The following PDE4D variants were observed in gnomAD, a reference collection of about 807,000 sequenced individuals.
PDE4D encodes 3',5'-cyclic-AMP phosphodiesterase 4D.
Under a neutral mutation model 87.4 loss-of-function variants are expected in PDE4D, and 24 were observed. That is an observed-to-expected ratio of 0.27 (90% CI 0.20 to 0.39). The LOEUF is 0.39. Ranked by LOEUF, PDE4D falls within the 10% of genes least tolerant of loss-of-function variation. The pLI, the probability that PDE4D is intolerant of heterozygous loss-of-function variation, is 1.00. For missense variants in PDE4D, 714 were observed against 1,041.0 expected (o/e 0.69, Z 4.32); for synonymous variants, 384 against 383.2 (o/e 1.00, Z -0.02).
chr5:60,436,796 A>C (rs746227180), intron 1 of PDE4D, among the ~76,000 whole-genome samples: 23 of 152,058 alleles, frequency 1.5e-4, no homozygotes, highest in Non-Finnish European at 2.6e-4. Context: ...AATTAGGCTC[A>C]ATGAAGTAAT....
chr5:59,610,765 C>T (rs295966), intron 1 of PDE4D, among the ~76,000 whole-genome samples: 131,275 of 152,140 alleles, frequency 0.86, 56,695 homozygotes, highest in South Asian at 0.93. Context: ...GAAAAGGAGA[C>T]TACATGAGGT....
At position 60,188,674 on chromosome 5, in the gene PDE4D, TA is replaced by T. The variant is rs1006361519; in HGVS notation, c.-89-2988del. Among the ~76,000 whole-genome samples the T allele has an allele frequency of 2.0e-5, 3 of 152,086 alleles. 1 individual carries two copies. The highest frequency in any genetic ancestry group is 4.1e-4 in the South Asian group (2 of 4,834). ...CATGTTCTGCTACCTCATTTATCCT[TA>T]AAAAAATCTCTATAATGTATCATTA... On this transcript the variant is annotated intron_variant, in intron 1 of 16. Transcript: ENST00000502484.
intron 1 of PDE4D, among the ~76,000 whole-genome samples, chr5:60,328,323 A>G (rs952799761): frequency 3.3e-5 from 5 of 152,180 alleles, no homozygotes; most frequent in African/African-American, 1.2e-4. Flanking sequence ...TCTCCAAGGG[A>G]AAAAGACAGG....
intron 1 of PDE4D, among the ~76,000 whole-genome samples, chr5:60,484,278 G>A (rs929258057): frequency 3.3e-5 from 5 of 151,026 alleles, no homozygotes; most frequent in Non-Finnish European, 5.9e-5. Flanking sequence ...CTAAAACTTC[G>A]TCATTGGCAG....
chr5:58,992,350 T>A (rs1213474870), intron 7 of PDE4D, among the ~76,000 whole-genome samples: 2 of 152,200 alleles, frequency 1.3e-5, no homozygotes, highest in Admixed American at 6.5e-5. Flanking sequence ...ATTCCATTCC[T>A]TTGTGAAACT....
In PDE4D at chr5:59,923,383, G is replaced by T. The variant is rs560475172; in HGVS notation, c.272+65105C>A. 7.2e-5 allele frequency among the ~76,000 whole-genome samples: 11 copies of T among 152,270 alleles called. No individual in the cohort carries two copies. In the South Asian group the frequency reaches 2.3e-3, roughly 32 times the overall value. On this transcript the variant is annotated intron_variant, in intron 3 of 16. Coordinates refer to the PDE4D transcript ENST00000502484. The stretch of plus-strand genomic sequence containing the variant: ...AAACATATGCAGTAGCCAGGTACTG[G>T]TCATTGCAGGCCTTGAGAGAGATCC...
intron 1 of PDE4D, among the ~76,000 whole-genome samples, chr5:59,778,402 T>C (rs889952315): frequency 6.6e-6 from 1 of 152,210 alleles, no homozygotes; most frequent in African/African-American, 2.4e-5. Context: ...GCTCAAATGG[T>C]TGCTAAATTA....
At position 59,487,405 on chromosome 5, in the gene PDE4D, A is replaced by T. The variant is rs1805349379; in HGVS notation, c.456-271437T>A. Among the ~76,000 whole-genome samples, 4 of 152,214 alleles carry T rather than the reference A, an allele frequency of 2.6e-5. No homozygotes were observed. The South Asian group carries it at 8.3e-4, about 32-fold the overall frequency. ...TTTCGTGTTCAGTTAAGAGGAAATAAGTAGGTAAAACTTGAAAATACTGAC... is the reference window on the plus strand; with the variant it reads ...TTTCGTGTTCAGTTAAGAGGAAATATGTAGGTAAAACTTGAAAATACTGAC... On this transcript the variant is annotated intron_variant, in intron 1 of 14. Transcript: ENST00000340635.
At chr5:60,287,379 G>A (rs78922935) in intron 1 of PDE4D, among the ~76,000 whole-genome samples, 2 of 152,166 alleles carry the variant, frequency 1.3e-5, no homozygotes, top group Non-Finnish European at 2.9e-5. Flanking sequence ...TGTAGGAGAG[G>A]CGCCCCCTTC....
intron 1 of PDE4D, among the ~76,000 whole-genome samples, chr5:59,803,750 T>C (rs1021548827): frequency 1.3e-5 from 2 of 152,202 alleles, no homozygotes; most frequent in Non-Finnish European, 2.9e-5. Context: ...TTCACTAAAG[T>C]AGATGGTAGT....
At chr5:60,477,577 G>A (rs1193110502) in intron 1 of PDE4D, among the ~76,000 whole-genome samples, 1 of 152,138 alleles carries the variant, frequency 6.6e-6, no homozygotes, top group African/African-American at 2.4e-5. Flanking sequence ...GTGTATTAAT[G>A]GCCCAACTCA....
chr5:59,434,022 C>G (rs137988908), intron 1 of PDE4D, among the ~76,000 whole-genome samples: 2,214 of 148,446 alleles, frequency 0.015, 74 homozygotes, highest in African/African-American at 0.052. Context: ...TAGGATGTTC[C>G]TAAAGAAGTC....
At chr5:60,393,088 G>T (rs1762661258) in intron 1 of PDE4D, among the ~76,000 whole-genome samples, 3 of 152,102 alleles carry the variant, frequency 2.0e-5, no homozygotes. Flanking sequence ...GACTTTTTTT[G>T]AAGGAAAGCT....
At chr5:60,246,039 A>C (rs1355691870) in intron 1 of PDE4D, among the ~76,000 whole-genome samples, 2 of 148,802 alleles carry the variant, frequency 1.3e-5, no homozygotes, top group East Asian at 2.0e-4. Flanking sequence ...CCTGTACAAA[A>C]TATCTCATGT....
chr5:60,017,352 T>C (rs1480811054), intron 2 of PDE4D, among the ~76,000 whole-genome samples: 1 of 152,204 alleles, frequency 6.6e-6, no homozygotes, highest in African/African-American at 2.4e-5. Context: ...GTCACATAGA[T>C]AAATGTGTGT....
rs977509619 is a variant in PDE4D, at chr5:59,039,124, G to T, written c.809-153C>A. 8 of 1,373,802 alleles carry T rather than the reference G, an allele frequency of 5.8e-6. No individual in the cohort carries two copies. The South Asian group carries it at 1.0e-4, about 17-fold the overall frequency. 85.1% of individuals were successfully genotyped at this position (1,373,802 alleles called of 1,614,324 possible). ...CTCCTTCATATTGCCCAGCCCGGCA[G>T]TGCAACGGGGGCGGAGGCTGTGCTC... On this transcript the variant is annotated intron_variant, in intron 5 of 14. Transcript: ENST00000340635.
At chr5:59,744,418 C>G (rs907871924) in intron 1 of PDE4D, among the ~76,000 whole-genome samples, 2 of 152,124 alleles carry the variant, frequency 1.3e-5, no homozygotes, top group Non-Finnish European at 1.5e-5. Context: ...TTTACAAGGT[C>G]AAACTTTGTT....
At chr5:59,191,344 A>G (rs1744248206) in intron 3 of PDE4D, among the ~76,000 whole-genome samples, 1 of 151,928 alleles carries the variant, frequency 6.6e-6, no homozygotes, top group South Asian at 2.1e-4. Flanking sequence ...GATGTAAAAG[A>G]CCATATATCA....
intron 1 of PDE4D, among the ~76,000 whole-genome samples, chr5:59,875,417 C>A (rs547854015): frequency 7.4e-6 from 1 of 135,244 alleles, no homozygotes; most frequent in South Asian, 2.4e-4. Flanking sequence ...GCCGAGATTG[C>A]GCCACTGCAC....
Sources: allele counts gnomAD v4.1 joint callset (sites outside exome capture counted in the v4.1 genomes callset), GRCh38; gene constraint gnomAD v4.1.1; transcripts MANE v1.5; gene names NCBI Gene and HGNC (gene_info 2026-07-23, HGNC 2026-07-21).